Variants in CWF19L2 observed in about 807,000 individuals in gnomAD.
CWF19L2 encodes the protein CWF19-like protein 2.
CWF19L2 carries 98 observed loss-of-function variants against 111.7 expected under a neutral mutation model. That is an observed-to-expected ratio of 0.88 (90% CI 0.75 to 1.04). CWF19L2 has a LOEUF of 1.04. Among genes scored for constraint, CWF19L2 ranks in the 50% least tolerant of loss-of-function variants. CWF19L2 has a pLI of 0.00. For synonymous variants in CWF19L2, 351 were observed against 342.9 expected (o/e 1.02, Z -0.26); for missense variants, 1,101 against 1,051.4 (o/e 1.05, Z -0.65).
intron 10 of CWF19L2, among the ~76,000 whole-genome samples, chr11:107,409,791 G>A (rs549110466): frequency 3.3e-5 from 5 of 152,196 alleles, no homozygotes; most frequent in South Asian, 4.1e-4. Context: ...GTGATGGCCA[G>A]ACTAGATGAT....
Position 107,416,304 on chromosome 11 carries a change from A to G in CWF19L2, c.1528-6T>C. On this transcript the variant is annotated splice_polypyrimidine_tract_variant and splice_region_variant and intron_variant, in intron 9 of 17. Coordinates refer to ENST00000282251, the MANE Select transcript of CWF19L2 (RefSeq NM_152434.3). The stretch of plus-strand genomic sequence containing the variant: ...TTAAGTTGTTCAGCTAATTCCTTCA[A>G]AAAGAAAAACAAGTAAAATATGTGC... 1 of 1,342,526 alleles carries G rather than the reference A, an allele frequency of 7.4e-7. No individual in the cohort carries two copies. The highest frequency in any genetic ancestry group is 1.0e-6 in the Non-Finnish European group (1 of 993,298). The allele number at this position is 1,342,526 out of a possible 1,614,324, so 83.2% of individuals were successfully genotyped here.
chr11:107,347,917 A>C (rs1466860840), intron 14 of CWF19L2, among the ~76,000 whole-genome samples: 2 of 152,174 alleles, frequency 1.3e-5, no homozygotes, highest in Admixed American at 1.3e-4. Flanking sequence ...TATATGTATA[A>C]ATTTTTAAAA....
chr11:107,430,977 T>C (rs1486041072), intron 7 of CWF19L2, among the ~76,000 whole-genome samples: 1 of 151,320 alleles, frequency 6.6e-6, no homozygotes, highest in South Asian at 2.1e-4. Flanking sequence ...ATGGAATACA[T>C]ACCTTAAACA....
At chr11:107,391,507 A>G (rs1161286588) in intron 11 of CWF19L2, among the ~76,000 whole-genome samples, 3 of 152,238 alleles carry the variant, frequency 2.0e-5, no homozygotes, top group African/African-American at 7.2e-5. Flanking sequence ...CTAAGAGACC[A>G]ACTTCTAATT....
intron 8 of CWF19L2, among the ~76,000 whole-genome samples, chr11:107,419,503 G>A (rs1342966818): frequency 6.6e-6 from 1 of 152,012 alleles, no homozygotes; most frequent in African/African-American, 2.4e-5. Context: ...AATGCTATCA[G>A]TCAAAATCAA....
chr11:107,338,888 T>C (rs1237098994), intron 14 of CWF19L2, among the ~76,000 whole-genome samples: 1 of 152,192 alleles, frequency 6.6e-6, no homozygotes, highest in Non-Finnish European at 1.5e-5. Flanking sequence ...CATGTGTGCA[T>C]GTATCTTTAT....
At chr11:107,402,873 G>GTGTATATATA (rs1247886311) in intron 10 of CWF19L2, among the ~76,000 whole-genome samples, 6 of 94,460 alleles carry the variant, frequency 6.4e-5, no homozygotes, top group African/African-American at 2.9e-4. Flanking sequence ...ACTGTGGTGT[G>GTGTATATATA]TATATATATA....
At chr11:107,329,427 T>C (rs1859810289) in intron 17 of CWF19L2, among the ~76,000 whole-genome samples, 3 of 152,188 alleles carry the variant, frequency 2.0e-5, no homozygotes, top group Admixed American at 2.0e-4. Flanking sequence ...ATTGGTTCTC[T>C]AGTTCAACCA....
At chr11:107,389,458 C>T (rs1860817082) in intron 12 of CWF19L2, among the ~76,000 whole-genome samples, 2 of 152,100 alleles carry the variant, frequency 1.3e-5, no homozygotes, top group South Asian at 4.1e-4. Context: ...TTTGCCAAAA[C>T]CTGTTACAGA....
chr11:107,413,387 G>A (rs964224335), intron 10 of CWF19L2, among the ~76,000 whole-genome samples: 1 of 151,326 alleles, frequency 6.6e-6, no homozygotes, highest in East Asian at 1.9e-4. Context: ...ATGAAGAAGG[G>A]TGATGTCTGG....
intron 3 of CWF19L2, among the ~76,000 whole-genome samples, chr11:107,453,633 C>G (rs1221232593): frequency 6.6e-6 from 1 of 151,388 alleles, no homozygotes; most frequent in Admixed American, 6.6e-5. Context: ...ATGGGGAGAG[C>G]CTCCTTCTGC....
chr11:107,391,472 C>G (rs1371709678), intron 11 of CWF19L2, among the ~76,000 whole-genome samples: 1 of 152,180 alleles, frequency 6.6e-6, no homozygotes, highest in Non-Finnish European at 1.5e-5. Flanking sequence ...TTTAAGCCAT[C>G]CAGTCTATGT....
chr11:107,426,996 T>C (rs1250464012), intron 8 of CWF19L2, among the ~76,000 whole-genome samples: 1 of 152,018 alleles, frequency 6.6e-6, no homozygotes, highest in Non-Finnish European at 1.5e-5. Flanking sequence ...TTTATACATA[T>C]ACATTTATTA....
At chr11:107,391,172 A>G (rs533072607) in intron 11 of CWF19L2, among the ~76,000 whole-genome samples, 104 of 152,272 alleles carry the variant, frequency 6.8e-4, no homozygotes, top group African/African-American at 2.4e-3. Context: ...CAGACGGCCT[A>G]TGTAGGACTT....
intron 6 of CWF19L2, among the ~76,000 whole-genome samples, chr11:107,438,368 A>T (rs1387047810): frequency 1.3e-5 from 2 of 152,228 alleles, no homozygotes; most frequent in Non-Finnish European, 2.9e-5. Context: ...GGAAAATAAT[A>T]GCACTCTCCT....
chr11:107,331,501 G>A (rs1014325496), intron 16 of CWF19L2, among the ~76,000 whole-genome samples: 3 of 152,174 alleles, frequency 2.0e-5, no homozygotes, highest in Admixed American at 6.5e-5. Flanking sequence ...TGAAGATGAA[G>A]GAAGGGGCCA....
chr11:107,357,718 C>T (rs1860259226), intron 12 of CWF19L2, among the ~76,000 whole-genome samples: 1 of 152,184 alleles, frequency 6.6e-6, no homozygotes, highest in Admixed American at 6.5e-5. Flanking sequence ...CATTTTTACT[C>T]ATTATCTTTT....
rs772740016 is a variant in CWF19L2 at position 107,429,038 on chromosome 11, C to A, written c.1194G>T (p.Gln398His). The A allele has an allele frequency of 6.2e-7, 1 of 1,613,804 alleles. No individual in the cohort carries two copies. The highest frequency in any genetic ancestry group is 1.1e-5 in the South Asian group (1 of 91,074). ...TTCTAAAACCACTACACAAAGAGCC[C>A]TGAGCTACCAATGCTGAAGATGAAC... is the stretch of plus-strand genomic sequence containing the variant. ...PLSSSSALVA[Q>H]GSLCSGFRKP... The change falls in exon 8 of 18, where the codon CAG becomes CAT. Residue 398 changes from glutamine to histidine, a missense_variant. By Grantham distance (24) the Gln-to-His change is conservative (BLOSUM62 0). Coordinates refer to ENST00000282251, the MANE Select transcript of CWF19L2 (RefSeq NM_152434.3).
intron 13 of CWF19L2, among the ~76,000 whole-genome samples, chr11:107,352,957 G>A (rs1425830728): frequency 6.6e-6 from 1 of 151,890 alleles, no homozygotes; most frequent in South Asian, 2.1e-4. Context: ...CCTCCTCAGG[G>A]CTTTTCACTG....
Sources: gnomAD v4.1 joint callset for allele counts (sites outside exome capture counted in the v4.1 genomes callset) on GRCh38, gnomAD v4.1.1 for gene constraint, MANE v1.5 for transcripts, NCBI Gene and HGNC (gene_info 2026-07-23, HGNC 2026-07-21) for gene names.